Variants in RAPGEF1 observed in about 807,000 individuals in gnomAD.
RAPGEF1 encodes the protein Rap guanine nucleotide exchange factor 1, also known as CRK SH3-binding GNRP.
In RAPGEF1, 33 loss-of-function variants were observed where a neutral mutation model predicts 143.3. The ratio of observed to expected loss-of-function variants is 0.23; its 90% CI spans 0.17 to 0.31. The LOEUF (loss-of-function observed/expected upper bound fraction) is 0.31, where lower values mean the gene tolerates loss of function less well. Among genes scored for constraint, RAPGEF1 ranks in the 10% least tolerant of loss-of-function variants. RAPGEF1 has a pLI of 1.00. For missense variants in RAPGEF1, 1,199 were observed against 1,645.4 expected (o/e 0.73, Z 4.69); for synonymous variants, 629 against 676.5 (o/e 0.93, Z 1.09).
At chr9:131,599,805 G>A (rs1190254770) in intron 15 of RAPGEF1, among the ~76,000 whole-genome samples, 1 of 152,092 alleles carries the variant, frequency 6.6e-6, no homozygotes, top group Admixed American at 6.6e-5. Flanking sequence ...TTTAACCCCA[G>A]GTATCTGAGA....
chr9:131,615,993 G>A (rs1391600773), intron 12 of RAPGEF1, among the ~76,000 whole-genome samples: 3 of 152,128 alleles, frequency 2.0e-5, no homozygotes, highest in Non-Finnish European at 2.9e-5. Context: ...GTGGCCAGGC[G>A]CAGTGGCTCA....
chr9:131,620,902 G>A (rs959156329), intron 11 of RAPGEF1, among the ~76,000 whole-genome samples: 2 of 152,178 alleles, frequency 1.3e-5, no homozygotes, highest in African/African-American at 2.4e-5. Context: ...CACACCAGTC[G>A]CCTCCTGGTA....
intron 1 of RAPGEF1, among the ~76,000 whole-genome samples, chr9:131,672,277 C>G (rs1242106302): frequency 6.6e-6 from 1 of 152,242 alleles, no homozygotes; most frequent in Non-Finnish European, 1.5e-5. Flanking sequence ...CAAAATATGT[C>G]AAAAATCTAA....
chr9:131,619,771 T>A (rs1960209283), intron 11 of RAPGEF1, among the ~76,000 whole-genome samples: 1 of 152,200 alleles, frequency 6.6e-6, no homozygotes, highest in Admixed American at 6.5e-5. Flanking sequence ...TACCACACTG[T>A]ACATGGGCCA....
intron 10 of RAPGEF1, among the ~76,000 whole-genome samples, chr9:131,624,857 A>T (rs3808801): frequency 6.6e-6 from 1 of 152,220 alleles, no homozygotes; most frequent in African/African-American, 2.4e-5. Context: ...CTGGGGGACC[A>T]CACTGCTGAG....
intron 1 of RAPGEF1, among the ~76,000 whole-genome samples, chr9:131,696,539 T>C (rs1589036322): frequency 6.6e-6 from 1 of 152,250 alleles, no homozygotes; most frequent in East Asian, 1.9e-4. Context: ...ATTCTTCCTC[T>C]GTGCCATGTT....
Position 131,584,504 on chromosome 9 carries a change from T to G in RAPGEF1, c.3312+14A>C. The G allele has an allele frequency of 3.1e-6, 5 of 1,613,922 alleles. No individual in the cohort carries two copies. The highest frequency in any genetic ancestry group is 4.2e-6 in the Non-Finnish European group (5 of 1,179,778). ...CTGATGATGGGGGCCTGGGAAGGAC[T>G]TGGCCACCATTACCTTCATGATCTT... On this transcript the variant is annotated intron_variant, in intron 23 of 26. Transcript: ENST00000683357. This position sits in a 1 kb window ranked among gnomAD's most constrained non-coding sequence, Gnocchi z 6.8.
Position 131,650,934 on chromosome 9 carries a change from T to G in RAPGEF1, c.77A>C (p.His26Pro). Residue 26 changes from histidine (H) to proline (P), a missense_variant, in exon 2 of 27, where the codon CAT (histidine) becomes CCT (proline). Coordinates refer to ENST00000683357, the MANE Select transcript of RAPGEF1 (RefSeq NM_001377935.1). This position sits in a 1 kb window ranked among gnomAD's most constrained non-coding sequence, Gnocchi z 4.7. ...KIEKADSQRS[H>P]LSSFTMKLMD... Reference sequence around the variant, plus strand: ...CAGCTTCATGGTGAAGGAAGAGAGATGAGAACGCTGAGAGTCTGAAAACAA... The same window carrying G: ...CAGCTTCATGGTGAAGGAAGAGAGAGGAGAACGCTGAGAGTCTGAAAACAA... 1.2e-6 allele frequency: 2 copies of G among 1,613,760 alleles called. No homozygotes were observed. The highest frequency in any genetic ancestry group is 1.1e-5 in the South Asian group (1 of 91,080).
At chr9:131,580,201 C>A in intron 26 of RAPGEF1, 62 bp downstream of exon 26, 1 of 1,593,636 alleles carries the variant, frequency 6.3e-7, no homozygotes, top group Non-Finnish European at 8.6e-7. Flanking sequence ...CCCGGGCTGT[C>A]TCTCCTTGTG....
rs987997779 is a variant in RAPGEF1 at position 131,603,946 on chromosome 9, C to A, written c.2412+15G>T. 2.3e-6 allele frequency: 3 copies of A among 1,305,712 alleles called. No homozygotes were observed. The Admixed American group carries it at 6.7e-5, about 29-fold the overall frequency. The allele number at this position is 1,305,712 out of a possible 1,614,324, so 80.9% of individuals were successfully genotyped here. ...AGGCCAGGCCACATGCAGGAGGCCG[C>A]CCGAGGTTACTTACTCCTCGAGAGG... On this transcript the variant is annotated intron_variant, in intron 14 of 26. Transcript: ENST00000683357.
chr9:131,603,857 G>A, intron 14 of RAPGEF1, 104 bp downstream of exon 14: 1 of 617,080 alleles, frequency 1.6e-6, no homozygotes, highest in Non-Finnish European at 2.4e-6. Context: ...CTAGGAGGGG[G>A]CTCAGCCCAA....
At chr9:131,624,640 A>G (rs1312505321) in intron 10 of RAPGEF1, among the ~76,000 whole-genome samples, 1 of 152,190 alleles carries the variant, frequency 6.6e-6, no homozygotes, top group Non-Finnish European at 1.5e-5. Flanking sequence ...GTGAACCTGA[A>G]TGGCACGCAG....
At chr9:131,587,590 T>C in intron 22 of RAPGEF1, 146 bp downstream of exon 22, 1 of 748,632 alleles carries the variant, frequency 1.3e-6, no homozygotes, top group Non-Finnish European at 2.2e-6. Flanking sequence ...AGCCTGTCAG[T>C]GCTCATGGGA....
chr9:131,739,710 A>G (rs2131378743), intron 1 of RAPGEF1, 60 bp downstream of exon 1: 2 of 1,020,714 alleles, frequency 2.0e-6, no homozygotes, highest in Non-Finnish European at 2.4e-6. Context: ...CGGCCCGGGG[A>G]GCGGCGGAGC....
intron 18 of RAPGEF1, among the ~76,000 whole-genome samples, chr9:131,591,678 G>A (rs891785430): frequency 2.0e-5 from 3 of 152,156 alleles, no homozygotes; most frequent in African/African-American, 7.2e-5. Flanking sequence ...GGTATCCTTC[G>A]TGCCCAACGC....
intron 17 of RAPGEF1, among the ~76,000 whole-genome samples, chr9:131,592,720 C>A (rs1197140150): frequency 1.3e-5 from 2 of 152,100 alleles, no homozygotes; most frequent in Non-Finnish European, 2.9e-5. Context: ...TGAAATGAAA[C>A]CCTAGGCTTT....
chr9:131,722,676 C>T (rs779032271), intron 1 of RAPGEF1, among the ~76,000 whole-genome samples: 10 of 152,234 alleles, frequency 6.6e-5, no homozygotes, highest in Non-Finnish European at 1.0e-4. Flanking sequence ...GACTGGGTCC[C>T]CATCCAGAGG....
chr9:131,634,429 T>C (rs1172940491), intron 5 of RAPGEF1, among the ~76,000 whole-genome samples: 2 of 151,970 alleles, frequency 1.3e-5, no homozygotes, highest in African/African-American at 2.4e-5. Context: ...AAAATGATCA[T>C]AGGTCGGGCG....
rs1489150612 is a variant in RAPGEF1, at chr9:131,655,212, G to A, written c.62-4263C>T. 1.3e-5 allele frequency among the ~76,000 whole-genome samples: 2 copies of A among 152,210 alleles called. No homozygotes were observed. The highest frequency in any genetic ancestry group is 6.5e-5 in the Admixed American group (1 of 15,278). On this transcript the variant is annotated intron_variant, in intron 1 of 26. Coordinates refer to ENST00000683357, the MANE Select transcript of RAPGEF1 (RefSeq NM_001377935.1). The surrounding 1 kb of genome is among the most constrained non-coding windows in gnomAD (Gnocchi z 4.1). Reference sequence around the variant, plus strand: ...ATTACCTAGGCACCCACTGCGCTCTGGACCAAAGAGAAAAGCCAGGGCCTG... The same window carrying A: ...ATTACCTAGGCACCCACTGCGCTCTAGACCAAAGAGAAAAGCCAGGGCCTG...
Sources: gnomAD v4.1 joint callset for allele counts (sites outside exome capture counted in the v4.1 genomes callset) on GRCh38, gnomAD v4.1.1 for gene constraint, Gnocchi (gnomAD v3.1) non-coding constraint, MANE v1.5 for transcripts, NCBI Gene and HGNC (gene_info 2026-07-23, HGNC 2026-07-21) for gene names.